XIRP2: variants seen among roughly 807,000 people sequenced by gnomAD.
The protein encoded by XIRP2 is xin actin-binding repeat-containing protein 2.
A neutral mutation model predicts 277.0 loss-of-function variants in XIRP2; 236 were observed. That is an observed-to-expected ratio of 0.85 (90% CI 0.77 to 0.95). The LOEUF (loss-of-function observed/expected upper bound fraction) is 0.95, where lower values mean the gene tolerates loss of function less well. Among genes scored for constraint, XIRP2 ranks in the 40% least tolerant of loss-of-function variants. The probability of loss-of-function intolerance (pLI) is 0.00; values close to 1 mark genes in which losing one functional copy is unlikely to be tolerated. For synonymous variants in XIRP2, 1,490 were observed against 1,416.5 expected, an observed-to-expected ratio of 1.05 and a Z score of -1.17; for missense variants, 4,640 against 4,157.5, an observed-to-expected ratio of 1.12 and a Z score of -3.19.
intron 3 of XIRP2, among the ~76,000 whole-genome samples, chr2:167,169,930 G>A (rs956531374): frequency 3.3e-5 from 5 of 152,046 alleles, no homozygotes; most frequent in South Asian, 2.1e-4. Context: ...TATTATACTT[G>A]TAAGGCACTC....
intron 2 of XIRP2, among the ~76,000 whole-genome samples, chr2:166,994,575 G>T (rs1244531662): frequency 1.4e-5 from 2 of 146,480 alleles, no homozygotes; most frequent in African/African-American, 5.1e-5. Flanking sequence ...ACTTCTGGAT[G>T]TCTTCAAATT....
intron 2 of XIRP2, among the ~76,000 whole-genome samples, chr2:166,972,447 A>G (rs1686603780): frequency 6.6e-6 from 1 of 152,182 alleles, no homozygotes; most frequent in Non-Finnish European, 1.5e-5. Context: ...TGAGCTAAAC[A>G]GGAACTATAC....
At chr2:167,204,813 T>A (rs1411040062) in intron 3 of XIRP2, among the ~76,000 whole-genome samples, 1 of 152,224 alleles carries the variant, frequency 6.6e-6, no homozygotes, top group African/African-American at 2.4e-5. Flanking sequence ...CGCATAAATT[T>A]TTTTTACTTT....
intron 2 of XIRP2, among the ~76,000 whole-genome samples, chr2:166,963,918 G>T (rs779734759): frequency 1.3e-5 from 2 of 151,794 alleles, no homozygotes; most frequent in Non-Finnish European, 2.9e-5. Flanking sequence ...ACAGTGTTCG[G>T]AGATAATTAC....
intron 2 of XIRP2, among the ~76,000 whole-genome samples, chr2:167,128,381 A>G (rs1441573946): frequency 6.6e-6 from 1 of 152,180 alleles, no homozygotes; most frequent in Non-Finnish European, 1.5e-5. Flanking sequence ...TTTTTTCAGT[A>G]AGTAGTCAAC....
At chr2:167,063,577 A>C (rs118165082) in intron 2 of XIRP2, among the ~76,000 whole-genome samples, 4,606 of 151,892 alleles carry the variant, frequency 0.03, 76 homozygotes, top group East Asian at 0.059. Flanking sequence ...GTAGTGTTGC[A>C]AGTTTTCACT....
At chr2:167,036,950 T>C (rs889298241) in intron 2 of XIRP2, among the ~76,000 whole-genome samples, 10 of 152,164 alleles carry the variant, frequency 6.6e-5, no homozygotes, top group African/African-American at 2.2e-4. Flanking sequence ...TGCCACCATG[T>C]AAGAAGTGCC....
Position 167,214,138 on chromosome 2 carries a change from CAAAGAG to C in XIRP2, c.723+3255_723+3260del, listed in dbSNP as rs1329827701. On this transcript the variant is annotated intron_variant, in intron 4 of 10. Coordinates refer to ENST00000409195, the MANE Select transcript of XIRP2 (RefSeq NM_152381.6). ...GGAAGGAAGGAAGGAAGGAAGGAAG[CAAAGAG>C]AAAGAGAAAGAAGGAAAGAAAGAGA... Among the ~76,000 whole-genome samples the C allele has an allele frequency of 3.4e-3, 95 of 27,560 alleles. 7 individuals are homozygous for C. The highest frequency in any genetic ancestry group is 0.014 in the African/African-American group (86 of 6,014). 18.1% of individuals were successfully genotyped at this position (27,560 alleles called of 152,430 possible).
At chr2:167,119,092 G>A (rs926251813) in intron 2 of XIRP2, among the ~76,000 whole-genome samples, 1 of 152,196 alleles carries the variant, frequency 6.6e-6, no homozygotes, top group Non-Finnish European at 1.5e-5. Flanking sequence ...CAGAGATTCA[G>A]TGGAGGCAAA....
intron 2 of XIRP2, among the ~76,000 whole-genome samples, chr2:167,086,809 C>T (rs1689960007): frequency 6.7e-6 from 1 of 149,468 alleles, no homozygotes; most frequent in African/African-American, 2.4e-5. Context: ...CCTTTAAGCA[C>T]TTCTCTGTAT....
At chr2:167,024,659 A>G (rs1474408633) in intron 2 of XIRP2, among the ~76,000 whole-genome samples, 2 of 152,148 alleles carry the variant, frequency 1.3e-5, no homozygotes, top group African/African-American at 2.4e-5. Flanking sequence ...AGTTTTTAGC[A>G]TGACGTGTTG....
At chr2:167,221,487 G>GAAAAAAAAAAAAAAAAAA (rs1694429409) in intron 5 of XIRP2, among the ~76,000 whole-genome samples, 1 of 144,034 alleles carries the variant, frequency 6.9e-6, no homozygotes. Context: ...AAAAAAAAAG[G>GAAAAAAAAAAAAAAAAAA]AAAAAGTCAT....
intron 3 of XIRP2, among the ~76,000 whole-genome samples, chr2:167,207,852 T>C (rs1193294585): frequency 2.6e-5 from 4 of 152,214 alleles, no homozygotes; most frequent in African/African-American, 4.8e-5. Flanking sequence ...CCTTGTTATC[T>C]AATAGCCATG....
In XIRP2 at chr2:167,243,499, C is replaced by A; in HGVS notation, c.2107C>A (p.Gln703Lys). 1 of 1,614,026 alleles carries A rather than the reference C, an allele frequency of 6.2e-7. No individual in the cohort carries two copies. The highest frequency in any genetic ancestry group is 8.5e-7 in the Non-Finnish European group (1 of 1,179,960). ...CATGTTTGAAACTCAACATCTAGAT[C>A]AACTTGGACAGCTTCATTCAGTGGA... ...RYMFETQHLDQLGQLHSVDEV... is the reference protein window; with the variant it reads ...RYMFETQHLDKLGQLHSVDEV... The change falls in exon 9 of 11, where the codon CAA becomes AAA. Residue 703 changes from glutamine (Q) to lysine (K), a missense_variant. By Grantham distance (53) the Gln-to-Lys change is moderately conservative (BLOSUM62 1). Transcript: ENST00000409195.
chr2:167,085,457 G>C (rs1470482224), intron 2 of XIRP2, among the ~76,000 whole-genome samples: 2 of 151,422 alleles, frequency 1.3e-5, no homozygotes, highest in African/African-American at 4.8e-5. Flanking sequence ...TGTCTATTAG[G>C]TCTGCTTGGT....
At chr2:167,195,032 C>T (rs1046374096) in intron 3 of XIRP2, among the ~76,000 whole-genome samples, 1 of 152,044 alleles carries the variant, frequency 6.6e-6, no homozygotes, top group Non-Finnish European at 1.5e-5. Flanking sequence ...TTGAAAACTG[C>T]AACACACTAA....
chr2:167,137,340 G>T (rs1223288909), intron 3 of XIRP2, among the ~76,000 whole-genome samples: 1 of 152,114 alleles, frequency 6.6e-6, no homozygotes, highest in East Asian at 1.9e-4. Flanking sequence ...TCAGTCTTGA[G>T]GAATTTACTC....
At chr2:167,059,398 C>G (rs907401826) in intron 2 of XIRP2, among the ~76,000 whole-genome samples, 3 of 149,422 alleles carry the variant, frequency 2.0e-5, no homozygotes, top group African/African-American at 7.5e-5. Flanking sequence ...CGGGGTGAAC[C>G]ACCACGCCTG....
Position 167,248,031 on chromosome 2 carries a change from G to T in XIRP2, c.6639G>T (p.Leu2213Phe), listed in dbSNP as rs775068703. Residue 2213 changes from leucine (L) to phenylalanine (F), a missense_variant, in exon 9 of 11, where the codon TTG (leucine) becomes TTT (phenylalanine). Physicochemically the swap from Leu to Phe is conservative, Grantham distance 22. Coordinates refer to ENST00000409195, the MANE Select transcript of XIRP2 (RefSeq NM_152381.6). ...NINLQPMWQL[L>F]PVEQDTSNVT... ...ACCTTCAACCAATGTGGCAGCTTTTGCCTGTAGAGCAAGACACATCCAATG... is the reference window on the plus strand; with the variant it reads ...ACCTTCAACCAATGTGGCAGCTTTTTCCTGTAGAGCAAGACACATCCAATG... The T allele has an allele frequency of 6.2e-7, 1 of 1,613,498 alleles. No individual in the cohort carries two copies. Among genetic ancestry groups the T allele is most frequent in the South Asian group, 1.1e-5 (1 of 91,056 alleles).
Sources: gnomAD v4.1 joint callset for allele counts (sites outside exome capture counted in the v4.1 genomes callset) on GRCh38, gnomAD v4.1.1 for gene constraint, MANE v1.5 for transcripts, NCBI Gene and HGNC (gene_info 2026-07-23, HGNC 2026-07-21) for gene names.